Variants in PTPRN2 observed in about 807,000 individuals in gnomAD.
PTPRN2 encodes the protein receptor-type tyrosine-protein phosphatase N2.
Under a neutral mutation model 118.8 loss-of-function variants are expected in PTPRN2, and 74 were observed. The observed-to-expected ratio is 0.62, with a 90% confidence interval of 0.52 to 0.76. The LOEUF (loss-of-function observed/expected upper bound fraction) is 0.76. Among genes scored for constraint, PTPRN2 ranks in the 30% least tolerant of loss-of-function variants. The pLI, the probability that PTPRN2 is intolerant of heterozygous loss-of-function variation, is 0.00. For missense variants in PTPRN2, 1,481 were observed against 1,394.4 expected, an observed-to-expected ratio of 1.06 and a Z score of -0.99; for synonymous variants, 641 against 608.0, an observed-to-expected ratio of 1.05 and a Z score of -0.80.
At chr7:157,666,795 G>A (rs1433079269) in intron 13 of PTPRN2, among the ~76,000 whole-genome samples, 4 of 152,102 alleles carry the variant, frequency 2.6e-5, no homozygotes, top group East Asian at 1.9e-4. Context: ...TTGCAGACTC[G>A]GCCCGTGTGA....
At chr7:157,853,563 G>A (rs911430938) in intron 12 of PTPRN2, among the ~76,000 whole-genome samples, 5 of 151,658 alleles carry the variant, frequency 3.3e-5, no homozygotes, top group Non-Finnish European at 5.9e-5. Flanking sequence ...CCAGGCCCAC[G>A]GTCTTGGGGC....
rs1421072940 is a variant in PTPRN2, at chr7:158,265,192, C to CCT, written c.277+51625_277+51626dup. Among the ~76,000 whole-genome samples the CCT allele has an allele frequency of 4.6e-5, 7 of 152,290 alleles. No individual in the cohort carries two copies. In the Middle Eastern group the frequency reaches 0.01, roughly 222 times the overall value. On this transcript the variant is annotated intron_variant, in intron 3 of 22. Transcript: ENST00000389418. Reference sequence around the variant, plus strand: ...AACTAGCAAGGCCTCTCGGTAGTGGCCTCCCACTGACCTGGCTCCCCACCT... The same window carrying CCT: ...AACTAGCAAGGCCTCTCGGTAGTGGCCTCTCCCACTGACCTGGCTCCCCACCT...
rs74529448 is a variant in PTPRN2, at chr7:157,766,933, C to T, written c.1789-83996G>A. Among the ~76,000 whole-genome samples the T allele has an allele frequency of 7.6e-3, 1,158 of 152,318 alleles. 17 individuals are homozygous for T. Among genetic ancestry groups the T allele is most frequent in the African/African-American group, 0.027 (1,106 of 41,564 alleles). On this transcript the variant is annotated intron_variant, in intron 12 of 22. Coordinates refer to ENST00000389418, the MANE Select transcript of PTPRN2 (RefSeq NM_002847.5). ...TCCTGGCCAGCTCTCAGCACTGGCTCTTGCCGGGTGGGTGGAATCCTGTCT... is the reference window on the plus strand; with the variant it reads ...TCCTGGCCAGCTCTCAGCACTGGCTTTTGCCGGGTGGGTGGAATCCTGTCT...
At chr7:157,613,453 G>C (rs1364613137) in intron 15 of PTPRN2, among the ~76,000 whole-genome samples, 1 of 152,214 alleles carries the variant, frequency 6.6e-6, no homozygotes, top group Non-Finnish European at 1.5e-5. Context: ...CGCGGCTGCG[G>C]CCAGAGACTT....
intron 10 of PTPRN2, among the ~76,000 whole-genome samples, chr7:158,103,678 C>A (rs1815431376): frequency 6.6e-6 from 1 of 152,070 alleles, no homozygotes; most frequent in African/African-American, 2.4e-5. Flanking sequence ...ATGAGTGTTC[C>A]CCTTCTTACA....
intron 12 of PTPRN2, among the ~76,000 whole-genome samples, chr7:157,699,435 T>C (rs975513622): frequency 2.0e-5 from 3 of 152,024 alleles, no homozygotes; most frequent in East Asian, 3.8e-4. Context: ...TTTTCTTTTC[T>C]TTTTTTTCTT....
intron 11 of PTPRN2, among the ~76,000 whole-genome samples, chr7:158,050,178 ACT>A (rs887220899): frequency 2.0e-5 from 3 of 152,336 alleles, no homozygotes; most frequent in African/African-American, 7.2e-5. Flanking sequence ...TGTTTAAAAC[ACT>A]GTTATTAGAA....
At position 157,953,876 on chromosome 7, in the gene PTPRN2, G is replaced by T. The variant is rs1036986662; in HGVS notation, c.1724-55139C>A. 1.3e-5 allele frequency among the ~76,000 whole-genome samples: 2 copies of T among 152,146 alleles called. No individual in the cohort carries two copies. Among genetic ancestry groups the T allele is most frequent in the African/African-American group, 4.8e-5 (2 of 41,420 alleles). ...AAATCCGCATTTCGAAGCAGAAATC[G>T]CTGGTTTAAATATTCTCTCCTTTCC... On this transcript the variant is annotated intron_variant, in intron 11 of 22. Coordinates refer to ENST00000389418, the MANE Select transcript of PTPRN2 (RefSeq NM_002847.5). This position sits in a 1 kb window ranked among gnomAD's most constrained non-coding sequence, Gnocchi z 4.6.
intron 12 of PTPRN2, among the ~76,000 whole-genome samples, chr7:157,792,755 C>T (rs1804597384): frequency 1.3e-5 from 2 of 152,196 alleles, no homozygotes; most frequent in African/African-American, 4.8e-5. Flanking sequence ...CCGGAGGCTG[C>T]CCCGTGATGG....
intron 11 of PTPRN2, among the ~76,000 whole-genome samples, chr7:158,056,953 T>A (rs1161696406): frequency 6.6e-6 from 1 of 152,164 alleles, no homozygotes; most frequent in Non-Finnish European, 1.5e-5. Context: ...ATGTCGCCCT[T>A]ATCCGATGAT....
chr7:157,545,311 T>C (rs886369131), intron 22 of PTPRN2, among the ~76,000 whole-genome samples: 24 of 149,374 alleles, frequency 1.6e-4, no homozygotes, highest in Non-Finnish European at 3.0e-4. Context: ...GTGTACCACA[T>C]GCGTGGGTGT....
intron 3 of PTPRN2, among the ~76,000 whole-genome samples, chr7:158,241,385 G>T (rs557455487): frequency 1.3e-5 from 2 of 152,212 alleles, no homozygotes; most frequent in Non-Finnish European, 2.9e-5. Context: ...ATGATGGCAG[G>T]TGCCTGTAAT....
intron 12 of PTPRN2, among the ~76,000 whole-genome samples, chr7:157,781,220 C>A (rs969686931): frequency 3.9e-5 from 6 of 152,220 alleles, no homozygotes; most frequent in Non-Finnish European, 8.8e-5. Flanking sequence ...TCCACGGCTG[C>A]TTTTGATTTG....
chr7:157,791,202 T>C (rs566219016), intron 12 of PTPRN2, among the ~76,000 whole-genome samples: 42 of 152,218 alleles, frequency 2.8e-4, no homozygotes, highest in Non-Finnish European at 4.9e-4. Context: ...AAATATTTTA[T>C]GTGACTAAGA....
intron 10 of PTPRN2, among the ~76,000 whole-genome samples, chr7:158,087,141 G>A (rs1182869229): frequency 6.6e-6 from 1 of 152,204 alleles, no homozygotes; most frequent in Non-Finnish European, 1.5e-5. Flanking sequence ...GCTCAGTCAG[G>A]AGGGGTCTGC....
At chr7:158,055,365 G>A (rs183149311) in intron 11 of PTPRN2, among the ~76,000 whole-genome samples, 144 of 152,224 alleles carry the variant, frequency 9.5e-4, no homozygotes, top group Middle Eastern at 3.4e-3. Context: ...GTGGTCAAGC[G>A]GTAGCGTCAG....
chr7:158,400,423 C>G (rs1563246193), intron 2 of PTPRN2, among the ~76,000 whole-genome samples: 1 of 152,080 alleles, frequency 6.6e-6, no homozygotes. Context: ...AGAAACTGGA[C>G]AGAAAGCCTC....
chr7:157,824,358 G>A (rs1475996733), intron 12 of PTPRN2, among the ~76,000 whole-genome samples: 1 of 152,210 alleles, frequency 6.6e-6, no homozygotes, highest in Non-Finnish European at 1.5e-5. Flanking sequence ...TGCACCTGAA[G>A]CCTTAATTAG....
Position 158,258,266 on chromosome 7 carries a change from G to C in PTPRN2, c.278-52993C>G, listed in dbSNP as rs946372351. Among the ~76,000 whole-genome samples, 5 of 152,292 alleles carry C rather than the reference G, an allele frequency of 3.3e-5. No individual in the cohort carries two copies. The East Asian group carries it at 9.7e-4, about 29-fold the overall frequency. ...CTCCAGGGTGAACACAGGCCGTCCTGAATCAGCCGCTGACGCCTCCCCCGG... is the reference window on the plus strand; with the variant it reads ...CTCCAGGGTGAACACAGGCCGTCCTCAATCAGCCGCTGACGCCTCCCCCGG... On this transcript the variant is annotated intron_variant, in intron 3 of 22. Coordinates refer to ENST00000389418, the MANE Select transcript of PTPRN2 (RefSeq NM_002847.5).
Sources: allele counts gnomAD v4.1 joint callset (sites outside exome capture counted in the v4.1 genomes callset), GRCh38; gene constraint gnomAD v4.1.1; non-coding constraint Gnocchi (gnomAD v3.1); transcripts MANE v1.5; gene names NCBI Gene and HGNC (gene_info 2026-07-23, HGNC 2026-07-21).